TYW3: variants seen among roughly 807,000 people sequenced by gnomAD.
TYW3 encodes tRNA wybutosine-synthesizing protein 3 homolog.
TYW3 carries 26 observed loss-of-function variants against 23.1 expected under a neutral mutation model. The ratio of observed to expected loss-of-function variants is 1.13; its 90% CI spans 0.83 to 1.56. The LOEUF is 1.56. Ranked by LOEUF, TYW3 falls within the 40% of genes most tolerant of loss-of-function variation. The probability of loss-of-function intolerance (pLI) is 0.00; values close to 1 mark genes in which losing one functional copy is unlikely to be tolerated. For missense variants in TYW3, 316 were observed against 311.9 expected (o/e 1.01, Z -0.10); for synonymous variants, 102 against 105.7 (o/e 0.97, Z 0.21).
intron 5 of TYW3, among the ~76,000 whole-genome samples, chr1:74,759,637 C>T (rs1649069786): frequency 6.6e-6 from 1 of 152,056 alleles, no homozygotes; most frequent in Admixed American, 6.6e-5. Flanking sequence ...GTTGAAAATC[C>T]ACATGGCTTT....
chr1:74,744,479 G>A (rs953960794), intron 3 of TYW3, among the ~76,000 whole-genome samples: 3 of 152,120 alleles, frequency 2.0e-5, no homozygotes, highest in African/African-American at 7.2e-5. Flanking sequence ...CTGTTGATGC[G>A]TGAGTGTTTG....
At chr1:74,750,497 G>T (rs1648744313) in intron 4 of TYW3, among the ~76,000 whole-genome samples, 1 of 151,924 alleles carries the variant, frequency 6.6e-6, no homozygotes, top group Admixed American at 6.6e-5. Context: ...CTGGGAGGTG[G>T]AGGTTGCAGT....
chr1:74,752,513 C>T (rs2100770798), intron 5 of TYW3, 88 bp downstream of exon 5: 1 of 1,124,768 alleles, frequency 8.9e-7, no homozygotes, highest in Non-Finnish European at 1.3e-6. Flanking sequence ...GTTTATAATG[C>T]CAACTGCTTA....
At chr1:74,736,725 T>A (rs959507105) in intron 2 of TYW3, 103 bp downstream of exon 2, 2 of 884,432 alleles carry the variant, frequency 2.3e-6, no homozygotes, top group Non-Finnish European at 3.4e-6. Flanking sequence ...TGCAGAGTTA[T>A]AATGGCTGAA....
At chr1:74,742,672 TG>T (rs1351142862) in intron 3 of TYW3, among the ~76,000 whole-genome samples, 1 of 152,220 alleles carries the variant, frequency 6.6e-6, no homozygotes, top group East Asian at 1.9e-4. Flanking sequence ...GTTTTTACAC[TG>T]TGTGTAGTAA....
intron 5 of TYW3, among the ~76,000 whole-genome samples, chr1:74,755,203 C>T (rs923518959): frequency 2.6e-5 from 4 of 151,884 alleles, no homozygotes; most frequent in Non-Finnish European, 4.4e-5. Flanking sequence ...ATAAAATGTA[C>T]GCAATAGGAA....
intron 3 of TYW3, 104 bp from the exon 4 acceptor site, chr1:74,748,647 C>A: frequency 8.2e-7 from 1 of 1,223,964 alleles, no homozygotes; most frequent in Non-Finnish European, 1.2e-6. Flanking sequence ...TTTTAAAAAC[C>A]TTAATAGCTT....
At chr1:74,758,350 A>T (rs1649019766) in intron 5 of TYW3, among the ~76,000 whole-genome samples, 1 of 152,190 alleles carries the variant, frequency 6.6e-6, no homozygotes, top group Non-Finnish European at 1.5e-5. Flanking sequence ...CTTTTCCTTA[A>T]TATGTTTCTT....
At chr1:74,740,451 T>A (rs901614584) in intron 3 of TYW3, among the ~76,000 whole-genome samples, 23 of 152,214 alleles carry the variant, frequency 1.5e-4, no homozygotes. Flanking sequence ...GGGACTCAAG[T>A]GGGTTGCTGC....
At chr1:74,742,591 A>G (rs1449765288) in intron 3 of TYW3, among the ~76,000 whole-genome samples, 1 of 152,132 alleles carries the variant, frequency 6.6e-6, no homozygotes, top group Non-Finnish European at 1.5e-5. Context: ...CATCTGCCCA[A>G]CGGTTTCCTT....
intron 4 of TYW3, 38 bp from the exon 5 acceptor site, chr1:74,752,254 A>T: frequency 6.4e-7 from 1 of 1,564,794 alleles, no homozygotes; most frequent in East Asian, 2.3e-5. Flanking sequence ...TTTCTGTGGT[A>T]TCTAAGTCTT....
intron 5 of TYW3, among the ~76,000 whole-genome samples, chr1:74,755,256 T>C (rs1242627246): frequency 2.0e-5 from 3 of 152,218 alleles, no homozygotes; most frequent in African/African-American, 7.2e-5. Flanking sequence ...TTCACATTGT[T>C]ATGCAACTGT....
chr1:74,750,088 A>C (rs1488682541), intron 4 of TYW3: 1 of 152,246 alleles, frequency 6.6e-6, no homozygotes, highest in African/African-American at 2.4e-5. Context: ...TCAATTCGTT[A>C]TAGGTCCTAT....
Position 74,748,760 on chromosome 1 carries a change from G to T in TYW3, c.364G>T (p.Ala122Ser). The T allele has an allele frequency of 6.2e-7, 1 of 1,613,934 alleles. No homozygotes were observed. Among genetic ancestry groups the T allele is most frequent in the Non-Finnish European group, 8.5e-7 (1 of 1,179,872 alleles). The change falls in exon 4 of 6, where the codon GCA becomes TCA. Residue 122 changes from alanine (A) to serine (S), a missense_variant. Physicochemically the swap from Ala to Ser is moderately conservative, Grantham distance 99. Coordinates refer to ENST00000370867, the MANE Select transcript of TYW3 (RefSeq NM_138467.3). Reference sequence around the variant, plus strand: ...TTTTATTTTCTTACAGCATTCCATGGCAATAGATTCTGGTTTCAGGAACTC... The same window carrying T: ...TTTTATTTTCTTACAGCATTCCATGTCAATAGATTCTGGTTTCAGGAACTC... ...LQDAQILHSM[A>S]IDSGFRNSGI...
chr1:74,742,114 A>T (rs982228618), intron 3 of TYW3, among the ~76,000 whole-genome samples: 1 of 152,222 alleles, frequency 6.6e-6, no homozygotes, highest in Non-Finnish European at 1.5e-5. Context: ...CAGACCGACA[A>T]GTATTGAAAT....
At chr1:74,733,546 T>G in intron 1 of TYW3, 128 bp downstream of exon 1, 1 of 1,442,742 alleles carries the variant, frequency 6.9e-7, no homozygotes, top group African/African-American at 1.4e-5. Context: ...TCTCTGTTTC[T>G]TTATATGTGA....
chr1:74,762,572 G>A (rs1937490016), intron 5 of TYW3, among the ~76,000 whole-genome samples: 1 of 152,150 alleles, frequency 6.6e-6, no homozygotes, highest in Non-Finnish European at 1.5e-5. Context: ...ACAGGAGACA[G>A]GTAGATAGGA....
chr1:74,755,721 GA>G (rs1648929686), intron 5 of TYW3, among the ~76,000 whole-genome samples: 1 of 152,182 alleles, frequency 6.6e-6, no homozygotes. Context: ...AAGCATATTG[GA>G]AGAAGTCACT....
At position 74,733,384 on chromosome 1, in the gene TYW3, G is replaced by C; in HGVS notation, c.140G>C (p.Ser47Thr). Residue 47 changes from serine (S) to threonine (T), a missense_variant, in exon 1 of 6, where the codon AGC becomes ACC. Ser to Thr is a moderately conservative substitution (Grantham distance 58). Coordinates refer to ENST00000370867, the MANE Select transcript of TYW3 (RefSeq NM_138467.3). ...LNMRDQFFTT[S>T]SCAGRILLLD... The stretch of plus-strand genomic sequence containing the variant: ...ATGCGAGATCAGTTTTTCACCACCA[G>C]CTCCTGCGCTGGCCGCATCCTACTC... 6.2e-7 allele frequency: 1 copy of C among 1,614,200 alleles called. No individual in the cohort carries two copies. Among genetic ancestry groups the C allele is most frequent in the East Asian group, 2.2e-5 (1 of 44,884 alleles).
Sources: gnomAD v4.1 joint callset for allele counts (sites outside exome capture counted in the v4.1 genomes callset) on GRCh38, gnomAD v4.1.1 for gene constraint, MANE v1.5 for transcripts, NCBI Gene and HGNC (gene_info 2026-07-23, HGNC 2026-07-21) for gene names.